NDC1: variants seen among roughly 807,000 people sequenced by gnomAD.
The protein encoded by NDC1 is nucleoporin NDC1.
Under a neutral mutation model 89.8 loss-of-function variants are expected in NDC1, and 24 were observed. The observed-to-expected ratio is 0.27, with a 90% CI of 0.19 to 0.38. NDC1 has a LOEUF of 0.38. Among genes scored for constraint, NDC1 ranks in the 10% least tolerant of loss-of-function variants. The pLI is 1.00. For synonymous variants in NDC1, 296 were observed against 284.8 expected (o/e 1.04, Z -0.39); for missense variants, 728 against 797.6 (o/e 0.91, Z 1.05).
chr1:53,769,265 A>C (rs1647091970), intron 17 of NDC1, among the ~76,000 whole-genome samples: 1 of 152,148 alleles, frequency 6.6e-6, no homozygotes, highest in Admixed American at 6.5e-5. Flanking sequence ...GTGGCAGGGA[A>C]TGGGGAGATG....
chr1:53,802,365 T>TA (rs1034027626), intron 10 of NDC1, among the ~76,000 whole-genome samples: 23 of 151,880 alleles, frequency 1.5e-4, no homozygotes, highest in South Asian at 4.2e-4. Context: ...AAGAAATCAT[T>TA]AAAAAAAAGA....
intron 5 of NDC1, among the ~76,000 whole-genome samples, chr1:53,820,411 A>T (rs1285464411): frequency 6.6e-6 from 1 of 152,176 alleles, no homozygotes; most frequent in Non-Finnish European, 1.5e-5. Flanking sequence ...GGGGAGGGAT[A>T]GCATTAGGAG....
intron 14 of NDC1, among the ~76,000 whole-genome samples, chr1:53,790,525 G>C (rs1404877700): frequency 6.6e-6 from 1 of 151,804 alleles, no homozygotes. Flanking sequence ...TGGTCAACGT[G>C]GTAAAACTCC....
chr1:53,811,894 C>G (rs1313527282), intron 6 of NDC1, among the ~76,000 whole-genome samples: 2 of 152,132 alleles, frequency 1.3e-5, no homozygotes, highest in African/African-American at 4.8e-5. Context: ...GCACTGGTAT[C>G]CATGCCTGAG....
intron 4 of NDC1, among the ~76,000 whole-genome samples, chr1:53,827,573 A>T (rs1648911569): frequency 6.6e-6 from 1 of 152,214 alleles, no homozygotes; most frequent in African/African-American, 2.4e-5. Flanking sequence ...ATTTTTAAAA[A>T]TTTTTCTTCA....
Position 53,806,442 on chromosome 1 carries a change from G to A in NDC1, c.967C>T (p.Pro323Ser). 1.3e-6 allele frequency: 2 copies of A among 1,540,966 alleles called. No homozygotes were observed. Among genetic ancestry groups the A allele is most frequent in the South Asian group, 2.6e-5 (2 of 77,048 alleles). Reference protein sequence around the residue: ...ECLPKVLNSNPPPIIKYLALQ... With the variant: ...ECLPKVLNSNSPPIIKYLALQ... ...TTGGATACCTTTATGATGGGGGGAG[G>A]ATTGCTATTTAACACTTTTGGAAGG... The change falls in exon 9 of 18, where the codon CCT becomes TCT. Residue 323 changes from proline (P) to serine (S), a missense_variant. Transcript: ENST00000371429.
chr1:53,807,925 T>G, intron 7 of NDC1, 134 bp from the exon 8 acceptor site: 2 of 815,130 alleles, frequency 2.5e-6, no homozygotes, highest in Non-Finnish European at 3.8e-6. Flanking sequence ...CTTCGATATC[T>G]TTATAAAGCT....
chr1:53,809,553 C>G (rs1232392898), intron 7 of NDC1, 142 bp downstream of exon 7: 5 of 576,984 alleles, frequency 8.7e-6, no homozygotes, highest in African/African-American at 1.9e-5. Flanking sequence ...AATTTTAAAC[C>G]ATATAAACTA....
intron 6 of NDC1, among the ~76,000 whole-genome samples, chr1:53,816,697 A>G (rs1204610119): frequency 6.6e-6 from 1 of 152,176 alleles, no homozygotes; most frequent in Non-Finnish European, 1.5e-5. Flanking sequence ...GTGGGAGAAA[A>G]TCTTTACAAT....
chr1:53,772,616 G>C lies in NDC1; in HGVS notation c.1801-127C>G, dbSNP rs554329456. On this transcript the variant is annotated intron_variant, in intron 16 of 17. Coordinates refer to ENST00000371429, the MANE Select transcript of NDC1 (RefSeq NM_018087.5). The stretch of plus-strand genomic sequence containing the variant: ...AGGCGGGAGGACTGCTTGAGCCCAG[G>C]AGTTCCACTGTACTCCAGACTGGGC... 29 of 692,846 alleles carry C rather than the reference G, an allele frequency of 4.2e-5. No homozygotes were observed. In the South Asian group the frequency reaches 5.5e-4, roughly 13 times the overall value. The allele number at this position is 692,846 out of a possible 1,614,324, so 42.9% of individuals were successfully genotyped here.
At position 53,838,219 on chromosome 1, in the gene NDC1, C is replaced by G. The variant is rs7512625; in HGVS notation, c.43G>C (p.Asp15His). Residue 15 changes from aspartate (D) to histidine (H), a missense_variant, in exon 1 of 18, where the codon GAC (aspartate) becomes CAC (histidine). Transcript: ENST00000371429. ...VSRPCAGRSRDILWRVLGWRI... is the reference protein window; with the variant it reads ...VSRPCAGRSRHILWRVLGWRI... ...GCCGCACTCACGCGCCACAGTATGTCCCGCGACCTGCCGGCGCAGGGCCGG... is the reference window on the plus strand; with the variant it reads ...GCCGCACTCACGCGCCACAGTATGTGCCGCGACCTGCCGGCGCAGGGCCGG... The G allele has an allele frequency of 9.1e-4, 1,391 of 1,535,860 alleles. 11 individuals carry two copies. In the African/African-American group the frequency reaches 0.017, roughly 19 times the overall value.
chr1:53,797,206 C>T (rs1324024163), intron 11 of NDC1, 62 bp from the exon 12 acceptor site: 3 of 1,542,958 alleles, frequency 1.9e-6, no homozygotes, highest in Non-Finnish European at 2.6e-6. Flanking sequence ...AGCAGCAACG[C>T]TTTCAAATTC....
chr1:53,789,249 T>C (rs1647406618), intron 14 of NDC1, 53 bp from the exon 15 acceptor site: 2 of 1,129,692 alleles, frequency 1.8e-6, no homozygotes, highest in Non-Finnish European at 2.6e-6. Context: ...AAAAACTCCA[T>C]TATTTCCTTT....
intron 7 of NDC1, among the ~76,000 whole-genome samples, chr1:53,808,998 C>T (rs139101984): frequency 6.0e-4 from 91 of 152,282 alleles, no homozygotes; most frequent in African/African-American, 2.1e-3. Context: ...TCGGCAAATA[C>T]AGATTAAACC....
At chr1:53,803,695 T>C (rs1648002100) in intron 10 of NDC1, among the ~76,000 whole-genome samples, 1 of 152,116 alleles carries the variant, frequency 6.6e-6, no homozygotes, top group African/African-American at 2.4e-5. Flanking sequence ...CCTCAGCCTT[T>C]CCAGCAGCTG....
At chr1:53,801,526 C>T (rs1181176) in intron 10 of NDC1, among the ~76,000 whole-genome samples, 38,636 of 152,026 alleles carry the variant, frequency 0.25, 5,917 homozygotes, top group African/African-American at 0.43. Context: ...CAAGCATGCT[C>T]CATTATGCGT....
chr1:53,792,037 G>C (rs189775552), intron 14 of NDC1, among the ~76,000 whole-genome samples: 13 of 151,954 alleles, frequency 8.6e-5, no homozygotes, highest in Admixed American at 8.5e-4. Context: ...CCGCCTCCCG[G>C]GTTCATGCCA....
At chr1:53,830,887 T>C (rs1649040788) in intron 3 of NDC1, among the ~76,000 whole-genome samples, 1 of 147,260 alleles carries the variant, frequency 6.8e-6, no homozygotes, top group Admixed American at 6.9e-5. Flanking sequence ...CCTCCCGGTC[T>C]GAGTATTCTA....
intron 4 of NDC1, among the ~76,000 whole-genome samples, 183 bp downstream of exon 4, chr1:53,827,816 A>G (rs745935794): frequency 2.0e-5 from 3 of 152,210 alleles, no homozygotes; most frequent in East Asian, 3.8e-4. Flanking sequence ...CACCTTGCAC[A>G]TAATAAATTT....
Sources: allele counts gnomAD v4.1 joint callset (sites outside exome capture counted in the v4.1 genomes callset), GRCh38; gene constraint gnomAD v4.1.1; transcripts MANE v1.5; gene names NCBI Gene and HGNC (gene_info 2026-07-23, HGNC 2026-07-21).